CSMD1: variants seen among roughly 807,000 people sequenced by gnomAD.
CSMD1 encodes CUB and sushi domain-containing protein 1.
A neutral mutation model predicts 417.5 loss-of-function variants in CSMD1; 213 were observed. The ratio of observed to expected loss-of-function variants is 0.51; its 90% confidence interval spans 0.46 to 0.57. CSMD1 has a LOEUF of 0.57. Ranked by LOEUF, CSMD1 falls within the 20% of genes least tolerant of loss-of-function variation. CSMD1 has a pLI of 0.00. For missense variants in CSMD1, 6,923 were observed against 4,529.7 expected (o/e 1.53, Z -15.17); for synonymous variants, 2,862 against 1,736.8 (o/e 1.65, Z -16.11).
At chr8:3,425,479 T>G (rs974497385) in intron 12 of CSMD1, among the ~76,000 whole-genome samples, 1 of 151,200 alleles carries the variant, frequency 6.6e-6, no homozygotes, top group Non-Finnish European at 1.5e-5. Flanking sequence ...TCTCAGCTAC[T>G]TGGGAGGCTG....
chr8:4,220,862 G>C (rs375446038), intron 3 of CSMD1, among the ~76,000 whole-genome samples: 38 of 152,200 alleles, frequency 2.5e-4, no homozygotes, highest in Non-Finnish European at 5.4e-4. Flanking sequence ...GTAGCTTGGG[G>C]TAACAAGTAA....
intron 50 of CSMD1, among the ~76,000 whole-genome samples, chr8:3,033,250 T>C (rs1810463326): frequency 1.3e-5 from 2 of 152,120 alleles, no homozygotes; most frequent in Non-Finnish European, 2.9e-5. Flanking sequence ...GCAAATTTCC[T>C]ATTAATATAC....
At chr8:3,268,519 G>A (rs576785950) in intron 26 of CSMD1, among the ~76,000 whole-genome samples, 1 of 151,754 alleles carries the variant, frequency 6.6e-6, no homozygotes, top group Non-Finnish European at 1.5e-5. Flanking sequence ...TCAATTTCCT[G>A]ACCTCATCCG....
At chr8:3,027,178 C>T (rs986125610) in intron 51 of CSMD1, among the ~76,000 whole-genome samples, 2 of 151,952 alleles carry the variant, frequency 1.3e-5, no homozygotes, top group East Asian at 3.9e-4. Context: ...CAACATCAGG[C>T]CTTTTGGGGG....
intron 12 of CSMD1, among the ~76,000 whole-genome samples, chr8:3,434,178 A>C (rs1330230173): frequency 6.6e-6 from 1 of 152,190 alleles, no homozygotes; most frequent in Non-Finnish European, 1.5e-5. Flanking sequence ...ATCATAGTAA[A>C]TATTCCTTAG....
At chr8:4,989,332 G>C (rs545900459) in intron 1 of CSMD1, among the ~76,000 whole-genome samples, 3 of 152,014 alleles carry the variant, frequency 2.0e-5, no homozygotes, top group African/African-American at 7.2e-5. Context: ...CACAGCGTCA[G>C]ATTGGTTGGA....
At chr8:3,287,959 T>G (rs59309463) in intron 25 of CSMD1, among the ~76,000 whole-genome samples, 1 of 146,302 alleles carries the variant, frequency 6.8e-6, no homozygotes, top group African/African-American at 2.8e-5. Flanking sequence ...TAGCTCTTAT[T>G]ATTTTGAGAT....
At position 3,097,041 on chromosome 8, in the gene CSMD1, G is replaced by A; in HGVS notation, c.6950-4C>T. 6.6e-7 allele frequency: 1 copy of A among 1,522,108 alleles called. No individual in the cohort carries two copies. Among genetic ancestry groups the A allele is most frequent in the Non-Finnish European group, 8.8e-7 (1 of 1,133,090 alleles). 94.3% of individuals were successfully genotyped at this position (1,522,108 alleles called of 1,614,324 possible). ...ACTTCATTTGCTGGGCATTGTGCTG[G>A]AGAGAAAAGTACCAGCAAAAGTTTG... is the stretch of plus-strand genomic sequence containing the variant. On this transcript the variant is annotated splice_polypyrimidine_tract_variant and splice_region_variant and intron_variant, in intron 46 of 69. Transcript: ENST00000635120.
At chr8:4,000,462 A>T (rs1815579424) in intron 4 of CSMD1, among the ~76,000 whole-genome samples, 1 of 152,272 alleles carries the variant, frequency 6.6e-6, no homozygotes, top group African/African-American at 2.4e-5. Flanking sequence ...CATGAGGAAA[A>T]ATACAGTGGC....
At chr8:4,434,837 G>C (rs898598908) in intron 2 of CSMD1, among the ~76,000 whole-genome samples, 1 of 152,154 alleles carries the variant, frequency 6.6e-6, no homozygotes. Context: ...ACCATCCATA[G>C]CTGTCTCCTG....
chr8:4,073,380 A>T (rs1585254648), intron 3 of CSMD1, among the ~76,000 whole-genome samples: 1 of 152,132 alleles, frequency 6.6e-6, no homozygotes, highest in African/African-American at 2.4e-5. Context: ...TACTTAATGA[A>T]GCTAAAAAAA....
chr8:3,976,459 T>C (rs775005928), intron 5 of CSMD1, among the ~76,000 whole-genome samples: 1 of 152,190 alleles, frequency 6.6e-6, no homozygotes, highest in Non-Finnish European at 1.5e-5. Context: ...TTAATTCAGC[T>C]GTCTCCCGGG....
intron 10 of CSMD1, among the ~76,000 whole-genome samples, chr8:3,532,315 T>C (rs556517812): frequency 1.1e-4 from 17 of 152,276 alleles, no homozygotes. Context: ...TTCTGGGACA[T>C]CAGCCAGGGT....
intron 5 of CSMD1, among the ~76,000 whole-genome samples, chr8:3,875,800 C>T (rs1805775679): frequency 6.6e-6 from 1 of 152,106 alleles, no homozygotes; most frequent in South Asian, 2.1e-4. Context: ...AGGGAAGGTA[C>T]AAAAACAGCT....
At chr8:4,340,040 C>T (rs545135424) in intron 3 of CSMD1, among the ~76,000 whole-genome samples, 19 of 151,966 alleles carry the variant, frequency 1.3e-4, no homozygotes, top group Non-Finnish European at 2.8e-4. Flanking sequence ...TTATGTTGAG[C>T]AGCATACCGT....
At chr8:4,440,539 T>C (rs192421830) in intron 2 of CSMD1, among the ~76,000 whole-genome samples, 1 of 152,200 alleles carries the variant, frequency 6.6e-6, no homozygotes, top group Non-Finnish European at 1.5e-5. Flanking sequence ...ACAGATAACA[T>C]TGCTGACATG....
At chr8:2,985,451 G>A (rs1053950492) in intron 54 of CSMD1, among the ~76,000 whole-genome samples, 7 of 151,870 alleles carry the variant, frequency 4.6e-5, no homozygotes, top group African/African-American at 1.5e-4. Context: ...GTTTCACCAC[G>A]TGAGGGAGGA....
intron 26 of CSMD1, among the ~76,000 whole-genome samples, chr8:3,254,385 G>A (rs1292053589): frequency 6.6e-6 from 1 of 152,066 alleles, no homozygotes; most frequent in Admixed American, 6.5e-5. Flanking sequence ...GTATATTTGT[G>A]GCATTCTCTG....
chr8:3,251,092 G>C (rs1420239713), intron 26 of CSMD1, among the ~76,000 whole-genome samples: 7 of 152,102 alleles, frequency 4.6e-5, no homozygotes, highest in South Asian at 4.2e-4. Flanking sequence ...TCAATTTTGG[G>C]TTTTGTTGCC....
Sources: gnomAD v4.1 joint callset for allele counts (sites outside exome capture counted in the v4.1 genomes callset) on GRCh38, gnomAD v4.1.1 for gene constraint, MANE v1.5 for transcripts, NCBI Gene and HGNC (gene_info 2026-07-23, HGNC 2026-07-21) for gene names.